CGGBP1: variants seen among roughly 807,000 people sequenced by gnomAD.
CGGBP1 encodes CGG triplet repeat-binding protein 1.
A neutral mutation model predicts 11.4 loss-of-function variants in CGGBP1; 4 were observed. That is an observed-to-expected ratio of 0.35 (90% CI 0.17 to 0.80). CGGBP1 has a LOEUF of 0.80. Ranked by LOEUF, CGGBP1 falls within the 30% of genes least tolerant of loss-of-function variation. The pLI is 0.52. For synonymous variants in CGGBP1, 76 were observed against 74.1 expected (o/e 1.03, Z -0.13); for missense variants, 135 against 202.1 (o/e 0.67, Z 2.01).
chr3:88,126,579 CTT>C (rs144091813), intron 2 of CGGBP1, among the ~76,000 whole-genome samples: 43,856 of 83,094 alleles, frequency 0.53, 9,879 homozygotes, highest in South Asian at 0.64. Context: ...GTAGAAACAT[CTT>C]TTTTTTTTTT....
At chr3:88,105,819 C>T (rs1340777573) in intron 2 of CGGBP1, among the ~76,000 whole-genome samples, 1 of 152,076 alleles carries the variant, frequency 6.6e-6, no homozygotes, top group Non-Finnish European at 1.5e-5. Context: ...TTTATCCCCC[C>T]AAAACTCATA....
chr3:88,128,308 TAAATA>T (rs1224336644), intron 2 of CGGBP1, among the ~76,000 whole-genome samples: 5 of 151,272 alleles, frequency 3.3e-5, no homozygotes, highest in Admixed American at 2.0e-4. Context: ...ATTTTATCTT[TAAATA>T]AAATATATTT....
chr3:88,134,722 TAATTA>T (rs1163873752), intron 2 of CGGBP1, among the ~76,000 whole-genome samples: 1 of 152,112 alleles, frequency 6.6e-6, no homozygotes, highest in African/African-American at 2.4e-5. Context: ...AGTAAAATAT[TAATTA>T]AAGGCCAAAG....
intron 2 of CGGBP1, among the ~76,000 whole-genome samples, chr3:88,099,592 A>G (rs1704281476): frequency 6.6e-6 from 1 of 152,182 alleles, no homozygotes; most frequent in Admixed American, 6.5e-5. Flanking sequence ...AGGCTACAGT[A>G]ACCAAAACAG....
intron 2 of CGGBP1, among the ~76,000 whole-genome samples, chr3:88,097,790 CA>C (rs998403852): frequency 6.6e-6 from 1 of 152,060 alleles, no homozygotes. Flanking sequence ...CCAATGAGAA[CA>C]AAGACACAAC....
At chr3:88,124,815 T>A (rs969695926) in intron 2 of CGGBP1, among the ~76,000 whole-genome samples, 2 of 152,128 alleles carry the variant, frequency 1.3e-5, no homozygotes, top group African/African-American at 4.8e-5. Flanking sequence ...TCTAGTTTTT[T>A]CTTAACGCTT....
At chr3:88,060,275 G>A (rs1411539608), upstream of CGGBP1, among the ~76,000 whole-genome samples, 3 of 152,212 alleles carry the variant, frequency 2.0e-5, no homozygotes, top group Admixed American at 2.0e-4. Context: ...AAAATACAGT[G>A]TCTGAACGGT....
At chr3:88,086,218 A>C (rs1444345193) in intron 2 of CGGBP1, 1 of 1,492,252 alleles carries the variant, frequency 6.7e-7, no homozygotes, top group African/African-American at 1.4e-5. Context: ...GATGTTGAGA[A>C]CTTTTTCTAT....
intron 2 of CGGBP1, among the ~76,000 whole-genome samples, chr3:88,083,962 T>G (rs779799417): frequency 0.23 from 19,206 of 82,044 alleles, 1,595 homozygotes; most frequent in African/African-American, 0.3. Flanking sequence ...TATATATATA[T>G]ATATAGAAAA....
chr3:88,128,502 A>G (rs550750005), intron 2 of CGGBP1, among the ~76,000 whole-genome samples: 174 of 152,188 alleles, frequency 1.1e-3, no homozygotes, highest in African/African-American at 3.8e-3. Flanking sequence ...GTTACTTGGA[A>G]CATATTTTAA....
At chr3:88,146,785 C>T (rs1384187374) in intron 1 of CGGBP1, among the ~76,000 whole-genome samples, 2 of 152,102 alleles carry the variant, frequency 1.3e-5, no homozygotes, top group African/African-American at 4.8e-5. Flanking sequence ...TTAATCCTTC[C>T]TAAGCATAAC....
intron 2 of CGGBP1, among the ~76,000 whole-genome samples, chr3:88,111,780 C>T (rs1264265891): frequency 6.6e-6 from 1 of 151,898 alleles, no homozygotes; most frequent in African/African-American, 2.4e-5. Flanking sequence ...TTTACATTCC[C>T]TCCAACAAGA....
intron 2 of CGGBP1, among the ~76,000 whole-genome samples, chr3:88,075,407 C>T (rs1707744583): frequency 6.6e-6 from 1 of 152,194 alleles, no homozygotes; most frequent in South Asian, 2.1e-4. Flanking sequence ...AGTTCTAGGC[C>T]TATCATAAAA....
chr3:88,110,674 A>G (rs538932152), intron 2 of CGGBP1, among the ~76,000 whole-genome samples: 1 of 152,158 alleles, frequency 6.6e-6, no homozygotes, highest in Admixed American at 6.5e-5. Context: ...CACCCTACAG[A>G]GTTTTCTTCC....
intron 2 of CGGBP1, among the ~76,000 whole-genome samples, chr3:88,070,768 A>C (rs563017439): frequency 6.6e-5 from 10 of 151,806 alleles, no homozygotes; most frequent in African/African-American, 2.2e-4. Context: ...CTTTGCAAAA[A>C]CTCTGTGAAA....
chr3:88,138,826 A>G (rs1706958067), intron 2 of CGGBP1: 1 of 1,231,920 alleles, frequency 8.1e-7, no homozygotes, highest in African/African-American at 1.6e-5. Context: ...TTTTTGCCAA[A>G]TGATTTGGAG....
At chr3:88,097,688 C>G (rs1386545593) in intron 2 of CGGBP1, among the ~76,000 whole-genome samples, 10 of 152,154 alleles carry the variant, frequency 6.6e-5, no homozygotes, top group African/African-American at 2.4e-4. Context: ...TCACTCAAAA[C>G]CGCTCAACTA....
At chr3:88,091,190 C>T (rs533569257) in intron 2 of CGGBP1, among the ~76,000 whole-genome samples, 240 of 152,238 alleles carry the variant, frequency 1.6e-3, no homozygotes, top group Non-Finnish European at 2.5e-3. Flanking sequence ...ATATCCCTGT[C>T]GTTAAGCAAC....
upstream of CGGBP1, among the ~76,000 whole-genome samples, chr3:88,063,572 T>C (rs1487933906): frequency 6.6e-6 from 1 of 152,180 alleles, no homozygotes; most frequent in Non-Finnish European, 1.5e-5. Context: ...TTTTCTAGGG[T>C]ATAATACATT....
Sources: gnomAD v4.1 joint callset for allele counts (sites outside exome capture counted in the v4.1 genomes callset) on GRCh38, gnomAD v4.1.1 for gene constraint, MANE v1.5 for transcripts, NCBI Gene and HGNC (gene_info 2026-07-23, HGNC 2026-07-21) for gene names.